The following HDAC4 variants were observed in gnomAD, a reference collection of about 807,000 sequenced individuals.
HDAC4 encodes the protein histone deacetylase 4, also known as histone deacetylase A.
HDAC4 carries 16 observed loss-of-function variants against 135.1 expected under a neutral mutation model. The ratio of observed to expected loss-of-function variants is 0.12; its 90% confidence interval spans 0.08 to 0.18. The LOEUF (loss-of-function observed/expected upper bound fraction) is 0.18. HDAC4 is among the 10% of genes least tolerant of loss of function. HDAC4 has a pLI of 1.00. For missense variants in HDAC4, 1,143 were observed against 1,511.8 expected (o/e 0.76, Z 4.05); for synonymous variants, 685 against 653.4 (o/e 1.05, Z -0.74).
chr2:239,328,510 G>C (rs973565464), intron 2 of HDAC4, among the ~76,000 whole-genome samples: 1 of 152,194 alleles, frequency 6.6e-6, no homozygotes, highest in African/African-American at 2.4e-5. Flanking sequence ...CACACACAGG[G>C]ATCTTTCTTA....
At position 239,089,804 on chromosome 2, in the gene HDAC4, G is replaced by A. The variant is rs1420322467; in HGVS notation, c.2388+205C>T. On this transcript the variant is annotated intron_variant, in intron 18 of 26. Transcript: ENST00000543185. ...AAGACCCAAATCATTGAGAATCTCT[G>A]TACTATGCACATACCCTATCACAAA... The A allele has an allele frequency of 2.4e-5, 14 of 579,562 alleles. No individual in the cohort carries two copies. The Admixed American group carries it at 3.7e-4, about 15-fold the overall frequency. The allele number at this position is 579,562 out of a possible 1,614,324, so 35.9% of individuals were successfully genotyped here.
At chr2:239,275,595 G>A (rs2050310989) in intron 2 of HDAC4, among the ~76,000 whole-genome samples, 1 of 152,164 alleles carries the variant, frequency 6.6e-6, no homozygotes, top group South Asian at 2.1e-4. Context: ...TGGAAGAACA[G>A]CAGCCACCGC....
intron 2 of HDAC4, among the ~76,000 whole-genome samples, chr2:239,330,556 G>A (rs925737): frequency 0.1 from 15,175 of 152,266 alleles, 1,347 homozygotes; most frequent in East Asian, 0.42. Flanking sequence ...CAGTGACCGC[G>A]CACAGTGGTT....
At chr2:239,359,668 A>G (rs1038177940) in intron 1 of HDAC4, among the ~76,000 whole-genome samples, 7 of 152,202 alleles carry the variant, frequency 4.6e-5, no homozygotes, top group Non-Finnish European at 1.5e-5. Flanking sequence ...CTTTTCAGCC[A>G]GAAATGGTCA....
At chr2:239,294,002 T>TTA (rs2051693986) in intron 2 of HDAC4, among the ~76,000 whole-genome samples, 1 of 152,202 alleles carries the variant, frequency 6.6e-6, no homozygotes, top group Admixed American at 6.5e-5. Flanking sequence ...ATTTGTTAAT[T>TTA]TAACAGAGAC....
chr2:239,090,128 A>G lies in HDAC4; in HGVS notation c.2281-12T>C. ...GTGTCACTGTCCACCTGTGGAAACA[A>G]CACCCCACAGTGAGGTCACCCTCCC... On this transcript the variant is annotated splice_polypyrimidine_tract_variant and intron_variant, in intron 17 of 26. Coordinates refer to ENST00000543185, the MANE Select transcript of HDAC4 (RefSeq NM_001378414.1). The G allele has an allele frequency of 6.3e-7, 1 of 1,593,938 alleles. No individual in the cohort carries two copies. Among genetic ancestry groups the G allele is most frequent in the Non-Finnish European group, 8.6e-7 (1 of 1,162,102 alleles).
At chr2:239,275,877 G>A (rs1384455263) in intron 2 of HDAC4, among the ~76,000 whole-genome samples, 2 of 152,176 alleles carry the variant, frequency 1.3e-5, no homozygotes, top group South Asian at 2.1e-4. Flanking sequence ...CTGAAGGTAT[G>A]GGGCGGAGAA....
Position 239,390,362 on chromosome 2 carries a change from A to C in HDAC4, c.-220+10616T>G, listed in dbSNP as rs1338884377. Reference sequence around the variant, plus strand: ...GCCATGGACAACATGGCGAAACCTCATCTCTACAAAATATACAAAAAATTA... The same window carrying C: ...GCCATGGACAACATGGCGAAACCTCCTCTCTACAAAATATACAAAAAATTA... On this transcript the variant is annotated intron_variant, in intron 1 of 26. Coordinates refer to ENST00000543185, the MANE Select transcript of HDAC4 (RefSeq NM_001378414.1). 2.0e-5 allele frequency among the ~76,000 whole-genome samples: 3 copies of C among 152,190 alleles called. No homozygotes were observed. In the East Asian group the frequency reaches 5.8e-4, roughly 29 times the overall value.
chr2:239,093,830 T>C, intron 17 of HDAC4: 2 of 577,866 alleles, frequency 3.5e-6, no homozygotes, highest in Non-Finnish European at 2.2e-6. Flanking sequence ...TGCAGGGCAG[T>C]GCAAATTCAA....
Position 239,240,066 on chromosome 2 carries a change from GA to G in HDAC4, c.23-3403del, listed in dbSNP as rs2048091445. On this transcript the variant is annotated intron_variant, in intron 2 of 26. Transcript: ENST00000543185. The surrounding 1 kb of genome is among the most constrained non-coding windows in gnomAD (Gnocchi z 4.5). ...TGACAGATGCCGCATCCCTCATTATGAAAGGCTGGGGCTCAGGGCAGCAGCC... is the reference window on the plus strand; with the variant it reads ...TGACAGATGCCGCATCCCTCATTATGAAGGCTGGGGCTCAGGGCAGCAGCC... 6.6e-6 allele frequency among the ~76,000 whole-genome samples: 1 copy of G among 152,260 alleles called. No individual in the cohort carries two copies.
At position 239,211,308 on chromosome 2, in the gene HDAC4, A is replaced by C. The variant is rs116422344; in HGVS notation, c.95-21231T>G. On this transcript the variant is annotated intron_variant, in intron 3 of 26. Transcript: ENST00000543185. ...ATACAAAATCACTAAGCAGTATAAA[A>C]GCCAGCTTCCAGAATGCTGGAAAGA... Among the ~76,000 whole-genome samples, 946 of 152,344 alleles carry C rather than the reference A, an allele frequency of 6.2e-3. 9 individuals are homozygous for C. The highest frequency in any genetic ancestry group is 0.021 in the African/African-American group (885 of 41,580).
rs2036843395 is a variant in HDAC4 at position 239,094,744 on chromosome 2, G to A, written c.2280+266C>T. ...GGGGATGAGATGCTGGCTGCATACA[G>A]GATCCTGTTTCTTAAAGCGAGAGCC... On this transcript the variant is annotated intron_variant, in intron 17 of 26. Coordinates refer to ENST00000543185, the MANE Select transcript of HDAC4 (RefSeq NM_001378414.1). The A allele has an allele frequency of 3.8e-6, 5 of 1,323,874 alleles. No homozygotes were observed. In the East Asian group the frequency reaches 1.4e-4, roughly 36 times the overall value. 82.0% of individuals were successfully genotyped at this position (1,323,874 alleles called of 1,614,324 possible).
chr2:239,225,653 G>A (rs2047201165), intron 3 of HDAC4, among the ~76,000 whole-genome samples: 1 of 152,200 alleles, frequency 6.6e-6, no homozygotes, highest in South Asian at 2.1e-4. Context: ...ACGCAGGGCT[G>A]GGTGCTGTAG....
At chr2:239,300,459 G>A (rs2052185581) in intron 2 of HDAC4, among the ~76,000 whole-genome samples, 1 of 152,238 alleles carries the variant, frequency 6.6e-6, no homozygotes, top group Non-Finnish European at 1.5e-5. Context: ...GCCCCGATGG[G>A]CATTGCTGCT....
chr2:239,322,314 G>A (rs747162848), intron 2 of HDAC4, among the ~76,000 whole-genome samples: 5 of 152,358 alleles, frequency 3.3e-5, no homozygotes, highest in East Asian at 3.9e-4. Context: ...ACTTCAGAGC[G>A]CAAGCTCACT....
At chr2:239,293,936 A>T (rs1350779966) in intron 2 of HDAC4, among the ~76,000 whole-genome samples, 1 of 152,186 alleles carries the variant, frequency 6.6e-6, no homozygotes, top group Non-Finnish European at 1.5e-5. Flanking sequence ...GGGCCCTAGA[A>T]CTCTAAAAGT....
Position 239,353,444 on chromosome 2 carries a change from G to A in HDAC4, c.-219-526C>T, listed in dbSNP as rs570921717. ...ATGTAAAAATGTCTCCAGAGAGCAG[G>A]GTTTCTCAGCCTCAGTACCACTGGG... On this transcript the variant is annotated intron_variant, in intron 1 of 26. Transcript: ENST00000543185. Among the ~76,000 whole-genome samples, 12 of 152,292 alleles carry A rather than the reference G, an allele frequency of 7.9e-5. No homozygotes were observed. In the East Asian group the frequency reaches 1.9e-3, roughly 24 times the overall value.
chr2:239,298,589 G>T, intron 2 of HDAC4: 1 of 1,017,340 alleles, frequency 9.8e-7, no homozygotes, highest in Non-Finnish European at 1.2e-6. Context: ...CCCACATCCG[G>T]TGCACAGCAC....
At chr2:239,162,079 AC>A (rs778534326) in intron 6 of HDAC4, 11 of 453,168 alleles carry the variant, frequency 2.4e-5, no homozygotes, top group Non-Finnish European at 4.5e-5. Flanking sequence ...TGCCGTGGCC[AC>A]CCTCTGGGGG....
Sources: allele counts gnomAD v4.1 joint callset (sites outside exome capture counted in the v4.1 genomes callset), GRCh38; gene constraint gnomAD v4.1.1; non-coding constraint Gnocchi (gnomAD v3.1); transcripts MANE v1.5; gene names NCBI Gene and HGNC (gene_info 2026-07-23, HGNC 2026-07-21).